The following MAP2 variants were observed in gnomAD, a reference collection of about 807,000 sequenced individuals.
The protein encoded by MAP2 is microtubule-associated protein 2.
A neutral mutation model predicts 137.6 loss-of-function variants in MAP2; 14 were observed. The ratio of observed to expected loss-of-function variants is 0.10; its 90% CI spans 0.07 to 0.16. MAP2 has a LOEUF of 0.16. Ranked by LOEUF, MAP2 falls within the 10% of genes least tolerant of loss-of-function variation. The pLI is 1.00. For missense variants in MAP2, 2,088 were observed against 2,191.5 expected, an observed-to-expected ratio of 0.95 and a Z score of 0.94; for synonymous variants, 786 against 782.3, an observed-to-expected ratio of 1.00 and a Z score of -0.08.
At chr2:209,649,868 C>T (rs1349433771) in intron 4 of MAP2, among the ~76,000 whole-genome samples, 1 of 152,128 alleles carries the variant, frequency 6.6e-6, no homozygotes, top group Non-Finnish European at 1.5e-5. Flanking sequence ...ATCAGTATGG[C>T]TAGCCAGCCT....
chr2:209,697,539 C>A (rs972676077), intron 10 of MAP2, among the ~76,000 whole-genome samples: 1 of 151,620 alleles, frequency 6.6e-6, no homozygotes, highest in Non-Finnish European at 1.5e-5. Context: ...GAAAAGCAAG[C>A]CAGGAAGTGA....
At chr2:209,460,912 C>G (rs1244119504) in intron 1 of MAP2, among the ~76,000 whole-genome samples, 2 of 151,954 alleles carry the variant, frequency 1.3e-5, no homozygotes, top group Non-Finnish European at 2.9e-5. Flanking sequence ...CCACACCCAG[C>G]TAATTTTTGT....
chr2:209,593,814 TATA>T lies in MAP2; in HGVS notation c.-107+13718_-107+13720del, dbSNP rs1429477798. Among the ~76,000 whole-genome samples the T allele has an allele frequency of 1.3e-4, 4 of 30,528 alleles. 1 individual carries two copies. In the East Asian group the frequency reaches 3.1e-3, roughly 23 times the overall value. The allele number at this position is 30,528 out of a possible 152,430, so 20.0% of individuals were successfully genotyped here. A position where few individuals can be genotyped will look rare whatever the true frequency, so the allele number is the denominator to read the frequency against. On this transcript the variant is annotated intron_variant, in intron 3 of 15. Coordinates refer to ENST00000682079, the MANE Select transcript of MAP2 (RefSeq NM_001375505.1). ...ATATTATATATAATATATAATATAA[TATA>T]ATACATTATATTTATATTATATTAT...
chr2:209,601,460 A>C (rs987710457), intron 3 of MAP2, among the ~76,000 whole-genome samples: 1 of 152,154 alleles, frequency 6.6e-6, no homozygotes, highest in East Asian at 1.9e-4. Context: ...ACTGTGTTTT[A>C]AAGATATTGA....
Position 209,694,681 on chromosome 2 carries a change from G to C in MAP2, c.2511G>C (p.Glu837Asp). Reference sequence around the variant, plus strand: ...CCAGGAGGAAATCAGTCCCATCAGAGACTGTGGTTGAGGATAGTCGTACTG... The same window carrying C: ...CCAGGAGGAAATCAGTCCCATCAGACACTGTGGTTGAGGATAGTCGTACTG... Reference protein sequence around the residue: ...EVARRKSVPSETVVEDSRTGL... With the variant: ...EVARRKSVPSDTVVEDSRTGL... The change falls in exon 8 of 16, where the codon GAG becomes GAC. Residue 837 changes from glutamate to aspartate, a missense_variant. Physicochemically the swap from Glu to Asp is conservative, Grantham distance 45. This residue lies in a region of MAP2 where 500 missense variants were observed against 482.9 expected (regional missense o/e 1.04). Coordinates refer to ENST00000682079, the MANE Select transcript of MAP2 (RefSeq NM_001375505.1). 6.2e-7 allele frequency: 1 copy of C among 1,614,118 alleles called. No individual in the cohort carries two copies. Among genetic ancestry groups the C allele is most frequent in the Non-Finnish European group, 8.5e-7 (1 of 1,180,014 alleles).
intron 1 of MAP2, among the ~76,000 whole-genome samples, chr2:209,468,478 G>A (rs962045675): frequency 6.6e-6 from 1 of 151,228 alleles, no homozygotes; most frequent in Non-Finnish European, 1.5e-5. Flanking sequence ...CCACCACCAC[G>A]CCCGGCTAAT....
intron 1 of MAP2, among the ~76,000 whole-genome samples, chr2:209,466,085 T>A (rs765774439): frequency 6.6e-6 from 1 of 152,158 alleles, no homozygotes; most frequent in African/African-American, 2.4e-5. Context: ...TGGTTTGTGT[T>A]AAAGTCCCAT....
At chr2:209,655,950 T>C (rs1170480039) in intron 5 of MAP2, among the ~76,000 whole-genome samples, 1 of 152,206 alleles carries the variant, frequency 6.6e-6, no homozygotes, top group Non-Finnish European at 1.5e-5. Flanking sequence ...AATAATATTT[T>C]CTCCAAGTTT....
intron 1 of MAP2, among the ~76,000 whole-genome samples, chr2:209,495,257 G>A (rs577098389): frequency 2.0e-5 from 3 of 152,380 alleles, no homozygotes; most frequent in Admixed American, 2.0e-4. Context: ...TGTGGGTACA[G>A]CTTCAGCCGA....
chr2:209,584,517 C>T (rs1194060986), intron 3 of MAP2, among the ~76,000 whole-genome samples: 1 of 152,058 alleles, frequency 6.6e-6, no homozygotes, highest in Non-Finnish European at 1.5e-5. Context: ...TGGGAGATGG[C>T]TTTGAATGCC....
chr2:209,646,059 G>C (rs2710480), intron 4 of MAP2, among the ~76,000 whole-genome samples: 34,149 of 151,986 alleles, frequency 0.22, 6,315 homozygotes, highest in African/African-American at 0.49. Flanking sequence ...GTGGCACATA[G>C]CTGTAGTCCC....
intron 1 of MAP2, among the ~76,000 whole-genome samples, chr2:209,471,215 T>A (rs1385420683): frequency 1.3e-5 from 2 of 152,186 alleles, no homozygotes; most frequent in African/African-American, 4.8e-5. Context: ...CCACTCTCCC[T>A]CTTTCTGGTT....
rs1168554355 is a variant in MAP2, at chr2:209,693,980, G to A, written c.1810G>A (p.Glu604Lys). Reference sequence around the variant, plus strand: ...GAGTGACACTAGAGAAAGTGTCCATGAGTCTATTGATACCATGTCTCCCAT... The same window carrying A: ...GAGTGACACTAGAGAAAGTGTCCATAAGTCTATTGATACCATGTCTCCCAT... The part of the protein sequence containing the change: ...ELSDTRESVH[E>K]SIDTMSPMHK... Residue 604 changes from glutamate to lysine, a missense_variant, in exon 8 of 16, where the codon GAG becomes AAG. By Grantham distance (56) the Glu-to-Lys change is moderately conservative (BLOSUM62 1). Around this residue, in one of 6 missense-constraint regions of MAP2, gnomAD observed 859 missense variants for 794.5 expected, o/e 1.08. Transcript: ENST00000682079. 3.7e-6 allele frequency: 6 copies of A among 1,613,998 alleles called. No individual in the cohort carries two copies. Among genetic ancestry groups the A allele is most frequent in the South Asian group, 1.1e-5 (1 of 91,050 alleles).
At chr2:209,662,825 T>C (rs2153638335) in intron 5 of MAP2, among the ~76,000 whole-genome samples, 2 of 152,122 alleles carry the variant, frequency 1.3e-5, no homozygotes, top group South Asian at 4.2e-4. Flanking sequence ...TTCGGAGTAT[T>C]TTCTCCTCAC....
intron 2 of MAP2, among the ~76,000 whole-genome samples, chr2:209,527,284 T>C (rs949818353): frequency 6.6e-6 from 1 of 152,206 alleles, no homozygotes; most frequent in South Asian, 2.1e-4. Context: ...TATTTTTTTG[T>C]ACAATTAATT....
chr2:209,563,500 A>G (rs1385873208), intron 2 of MAP2, among the ~76,000 whole-genome samples: 1 of 152,096 alleles, frequency 6.6e-6, no homozygotes, highest in Non-Finnish European at 1.5e-5. Flanking sequence ...CAGAGGCCAT[A>G]TGAATCTAGT....
At chr2:209,577,576 T>C (rs1270689782) in intron 2 of MAP2, among the ~76,000 whole-genome samples, 3 of 152,076 alleles carry the variant, frequency 2.0e-5, no homozygotes, top group Admixed American at 6.5e-5. Context: ...CCTCCAGTGG[T>C]TGTTTTGGAA....
At chr2:209,506,993 C>T (rs924566475) in intron 1 of MAP2, among the ~76,000 whole-genome samples, 4 of 152,132 alleles carry the variant, frequency 2.6e-5, no homozygotes, top group Non-Finnish European at 4.4e-5. Context: ...TTTTTTCCTC[C>T]GCCTTCATAT....
At chr2:209,478,168 CATT>C (rs1289116870) in intron 1 of MAP2, among the ~76,000 whole-genome samples, 2 of 152,166 alleles carry the variant, frequency 1.3e-5, no homozygotes, top group African/African-American at 4.8e-5. Context: ...GTAAACACGT[CATT>C]ATTGCTAGTT....
Sources: allele counts gnomAD v4.1 joint callset (sites outside exome capture counted in the v4.1 genomes callset), GRCh38; gene constraint gnomAD v4.1.1; regional missense constraint gnomAD v4.1.1; transcripts MANE v1.5; gene names NCBI Gene and HGNC (gene_info 2026-07-23, HGNC 2026-07-21).